The following KDM5A variants were observed in gnomAD, a reference collection of about 807,000 sequenced individuals.
KDM5A encodes the protein lysine demethylase 5A.
A neutral mutation model predicts 193.5 loss-of-function variants in KDM5A; 42 were observed. That is an observed-to-expected ratio of 0.22 (90% CI 0.17 to 0.28). The LOEUF (loss-of-function observed/expected upper bound fraction) is 0.28. Among genes scored for constraint, KDM5A ranks in the 10% least tolerant of loss-of-function variants. KDM5A has a pLI of 1.00. For synonymous variants in KDM5A, 796 were observed against 718.1 expected (o/e 1.11, Z -1.73); for missense variants, 1,692 against 2,055.1 (o/e 0.82, Z 3.42).
chr12:293,795 G>A (rs1234600946), intron 26 of KDM5A, among the ~76,000 whole-genome samples: 1 of 137,924 alleles, frequency 7.3e-6, no homozygotes, highest in South Asian at 2.6e-4. Flanking sequence ...AAAAGGGGGG[G>A]GGGGGGATTT....
chr12:378,819 C>T (rs1040975013), intron 3 of KDM5A, among the ~76,000 whole-genome samples: 4 of 151,928 alleles, frequency 2.6e-5, no homozygotes, highest in Admixed American at 2.0e-4. Context: ...ATTAGCCGGG[C>T]GTGGTGGTGG....
chr12:303,983 A>T (rs1364672234), intron 24 of KDM5A, among the ~76,000 whole-genome samples: 1 of 152,138 alleles, frequency 6.6e-6, no homozygotes, highest in Non-Finnish European at 1.5e-5. Flanking sequence ...GATGAGGGGG[A>T]AAAATAAGTT....
chr12:386,100 A>G (rs1366330003), intron 1 of KDM5A, 126 bp from the exon 2 acceptor site: 2 of 691,762 alleles, frequency 2.9e-6, no homozygotes, highest in Admixed American at 2.3e-5. Flanking sequence ...AGTCTTCTTT[A>G]TTATAGAGAC....
intron 4 of KDM5A, among the ~76,000 whole-genome samples, chr12:364,253 C>T (rs1210172432): frequency 6.6e-6 from 1 of 152,066 alleles, no homozygotes; most frequent in Non-Finnish European, 1.5e-5. Flanking sequence ...GGGTGGACCA[C>T]TTGAAGTCAG....
chr12:347,467 C>T (rs900671578), intron 10 of KDM5A, among the ~76,000 whole-genome samples: 1 of 152,102 alleles, frequency 6.6e-6, no homozygotes, highest in Non-Finnish European at 1.5e-5. Flanking sequence ...TAATCCTAAG[C>T]AAAAAGAACA....
At chr12:304,090 C>T (rs1417094832) in intron 24 of KDM5A, among the ~76,000 whole-genome samples, 1 of 152,150 alleles carries the variant, frequency 6.6e-6, no homozygotes, top group Non-Finnish European at 1.5e-5. Context: ...TATGATTCTC[C>T]TTGAAATTAG....
At chr12:376,537 C>A (rs564620803) in intron 3 of KDM5A, among the ~76,000 whole-genome samples, 1 of 152,208 alleles carries the variant, frequency 6.6e-6, no homozygotes, top group African/African-American at 2.4e-5. Context: ...CCAGGTGAGA[C>A]GATGCCTCGC....
At chr12:299,658 A>T (rs973198578) in intron 24 of KDM5A, among the ~76,000 whole-genome samples, 6 of 152,206 alleles carry the variant, frequency 3.9e-5, no homozygotes, top group African/African-American at 1.4e-4. Flanking sequence ...CAAAATAACC[A>T]GCTAACATCA....
intron 3 of KDM5A, among the ~76,000 whole-genome samples, chr12:378,897 T>C (rs965609572): frequency 6.7e-6 from 1 of 148,216 alleles, no homozygotes. Flanking sequence ...AGGCGGAGCT[T>C]AGAGTGAGCC....
intron 8 of KDM5A, among the ~76,000 whole-genome samples, chr12:353,518 T>A (rs944901869): frequency 6.6e-6 from 1 of 152,174 alleles, no homozygotes; most frequent in Non-Finnish European, 1.5e-5. Flanking sequence ...TCAAGTCTCA[T>A]TATCTGCAGC....
At chr12:353,844 C>T (rs1220199002) in intron 8 of KDM5A, among the ~76,000 whole-genome samples, 1 of 151,588 alleles carries the variant, frequency 6.6e-6, no homozygotes, top group African/African-American at 2.4e-5. Context: ...ATCACTTGAA[C>T]CCGGGAGGTG....
chr12:362,314 A>G (rs947874798), intron 5 of KDM5A, among the ~76,000 whole-genome samples: 1 of 152,134 alleles, frequency 6.6e-6, no homozygotes, highest in African/African-American at 2.4e-5. Context: ...AAGAAACAAA[A>G]GGAAGAAATA....
intron 16 of KDM5A, among the ~76,000 whole-genome samples, 172 bp downstream of exon 16, chr12:322,910 C>T (rs374560651): frequency 6.6e-6 from 1 of 152,082 alleles, no homozygotes; most frequent in Non-Finnish European, 1.5e-5. Flanking sequence ...TCATTTCAAA[C>T]AAGATTCTCA....
chr12:358,910 G>T (rs190331142), intron 5 of KDM5A, among the ~76,000 whole-genome samples: 1 of 152,158 alleles, frequency 6.6e-6, no homozygotes, highest in Non-Finnish European at 1.5e-5. Flanking sequence ...GGCAGACATT[G>T]CAGTGAGCTG....
intron 4 of KDM5A, among the ~76,000 whole-genome samples, 186 bp from the exon 5 acceptor site, chr12:363,283 G>A (rs1022966902): frequency 4.0e-5 from 6 of 151,894 alleles, no homozygotes; most frequent in Non-Finnish European, 5.9e-5. Flanking sequence ...ATTGAAAGCC[G>A]ACCCTAAAAT....
At chr12:372,868 G>A (rs1163596524) in intron 3 of KDM5A, among the ~76,000 whole-genome samples, 1 of 152,090 alleles carries the variant, frequency 6.6e-6, no homozygotes, top group African/African-American at 2.4e-5. Flanking sequence ...TTTTGTCTTT[G>A]GTTCTGTTTA....
Position 356,523 on chromosome 12 carries a change from A to G in KDM5A, c.687T>C (p.Asp229=). The change falls in exon 6 of 28, where the codon GAT becomes GAC. Residue 229 remains aspartate, a synonymous_variant. Coordinates refer to ENST00000399788, the MANE Select transcript of KDM5A (RefSeq NM_001042603.3). ...RRVKTQSESG[D]VSRNTELKKL... is the part of the protein sequence containing the mutation. ...TCTTCAGTTCCGTGTTTCTACTCAC[A>G]TCTCCAGATTCTGACTAAAAAATAA... 6.2e-7 allele frequency: 1 copy of G among 1,610,866 alleles called. No individual in the cohort carries two copies. Among genetic ancestry groups the G allele is most frequent in the African/African-American group, 1.3e-5 (1 of 74,990 alleles).
chr12:303,333 TA>T (rs1287847610), intron 24 of KDM5A, among the ~76,000 whole-genome samples: 2 of 152,054 alleles, frequency 1.3e-5, no homozygotes, highest in Admixed American at 6.5e-5. Flanking sequence ...TACGTAGCCA[TA>T]AAAAAAGATG....
At chr12:350,042 C>T (rs567338862) in intron 10 of KDM5A, among the ~76,000 whole-genome samples, 16 of 151,894 alleles carry the variant, frequency 1.1e-4, no homozygotes, top group African/African-American at 1.7e-4. Context: ...GCAGGGGAAT[C>T]GCTTGAACCC....
Sources: gnomAD v4.1 joint callset for allele counts (sites outside exome capture counted in the v4.1 genomes callset) on GRCh38, gnomAD v4.1.1 for gene constraint, MANE v1.5 for transcripts, NCBI Gene and HGNC (gene_info 2026-07-23, HGNC 2026-07-21) for gene names.